Variants in FHIT observed in about 807,000 individuals in gnomAD.
The protein encoded by FHIT is bis(5'-adenosyl)-triphosphatase.
A neutral mutation model predicts 17.9 loss-of-function variants in FHIT; 19 were observed. That is an observed-to-expected ratio of 1.06 (90% CI 0.74 to 1.56). The LOEUF (loss-of-function observed/expected upper bound fraction) is 1.56. Ranked by LOEUF, FHIT falls within the 40% of genes most tolerant of loss-of-function variation. The probability of loss-of-function intolerance (pLI) is 0.00; values close to 1 mark genes in which losing one functional copy is unlikely to be tolerated. For missense variants in FHIT, 248 were observed against 189.2 expected (o/e 1.31, Z -1.82); for synonymous variants, 81 against 69.7 (o/e 1.16, Z -0.81).
intron 2 of FHIT, among the ~76,000 whole-genome samples, chr3:61,043,350 C>G (rs1269219118): frequency 6.6e-6 from 1 of 152,004 alleles, no homozygotes; most frequent in Non-Finnish European, 1.5e-5. Context: ...TCGGAGGGTC[C>G]CACGCCCACG....
intron 4 of FHIT, among the ~76,000 whole-genome samples, chr3:60,764,607 G>C (rs1334982632): frequency 6.6e-6 from 1 of 151,834 alleles, no homozygotes; most frequent in Non-Finnish European, 1.5e-5. Context: ...TAAGTCTCAG[G>C]GTATTAAGTC....
chr3:60,115,848 T>C (rs1704933290), intron 5 of FHIT, among the ~76,000 whole-genome samples: 1 of 150,912 alleles, frequency 6.6e-6, no homozygotes, highest in Non-Finnish European at 1.5e-5. Flanking sequence ...ATAATACATA[T>C]ATATTATAAA....
At chr3:60,028,937 G>A (rs935446972) in intron 5 of FHIT, among the ~76,000 whole-genome samples, 1 of 152,108 alleles carries the variant, frequency 6.6e-6, no homozygotes, top group African/African-American at 2.4e-5. Context: ...ACTTTAGGAG[G>A]GATTATGACA....
intron 5 of FHIT, among the ~76,000 whole-genome samples, chr3:60,126,079 A>G (rs1285494391): frequency 6.6e-6 from 1 of 152,072 alleles, no homozygotes; most frequent in Non-Finnish European, 1.5e-5. Flanking sequence ...AAGGATACCA[A>G]ATGAGAGGAA....
chr3:60,053,497 C>T (rs212036), intron 5 of FHIT, among the ~76,000 whole-genome samples: 39,643 of 150,792 alleles, frequency 0.26, 5,606 homozygotes, highest in African/African-American at 0.34. Context: ...TGTTATTGTT[C>T]GTCATGTGAA....
At chr3:61,076,460 T>A (rs535352218) in intron 2 of FHIT, among the ~76,000 whole-genome samples, 1 of 152,134 alleles carries the variant, frequency 6.6e-6, no homozygotes, top group African/African-American at 2.4e-5. Context: ...AGGACTCTTT[T>A]AGGACCAAGA....
intron 8 of FHIT, among the ~76,000 whole-genome samples, chr3:59,898,245 C>G (rs1479620353): frequency 6.6e-6 from 1 of 152,056 alleles, no homozygotes; most frequent in African/African-American, 2.4e-5. Context: ...AAGACATAAA[C>G]AAATTTTGTG....
At chr3:60,323,035 T>C (rs1357232341) in intron 5 of FHIT, among the ~76,000 whole-genome samples, 1 of 152,194 alleles carries the variant, frequency 6.6e-6, no homozygotes, top group Admixed American at 6.5e-5. Context: ...TAGATTTTTT[T>C]GTATGGAAGT....
chr3:60,830,363 T>G (rs545417619), intron 3 of FHIT, among the ~76,000 whole-genome samples: 1 of 152,232 alleles, frequency 6.6e-6, no homozygotes, highest in South Asian at 2.1e-4. Flanking sequence ...TTTAGCATGA[T>G]TTTCATTGTA....
intron 5 of FHIT, among the ~76,000 whole-genome samples, chr3:60,063,379 G>A (rs1702371341): frequency 6.6e-6 from 1 of 152,144 alleles, no homozygotes; most frequent in Non-Finnish European, 1.5e-5. Context: ...CATCACCATA[G>A]CATATGGAGA....
chr3:59,818,789 G>A (rs1227600003), intron 8 of FHIT, among the ~76,000 whole-genome samples: 1 of 152,122 alleles, frequency 6.6e-6, no homozygotes, highest in Non-Finnish European at 1.5e-5. Flanking sequence ...CTTCAACAGC[G>A]CAGATCACAT....
chr3:61,137,262 CTTTTTT>C (rs67142172), intron 2 of FHIT, among the ~76,000 whole-genome samples: 20 of 105,510 alleles, frequency 1.9e-4, no homozygotes, highest in South Asian at 1.2e-3. Flanking sequence ...AGGTTTCACT[CTTTTTT>C]TTTTTTTTTT....
At chr3:60,094,078 T>TA (rs936305702) in intron 5 of FHIT, among the ~76,000 whole-genome samples, 15 of 151,430 alleles carry the variant, frequency 9.9e-5, no homozygotes, top group East Asian at 7.8e-4. Flanking sequence ...AACCAAAATT[T>TA]AAAAAAAAAT....
chr3:60,176,556 C>G (rs892431674), intron 5 of FHIT, among the ~76,000 whole-genome samples: 3 of 152,150 alleles, frequency 2.0e-5, no homozygotes, highest in Non-Finnish European at 4.4e-5. Context: ...TAAACAAACA[C>G]CTGGCAACTG....
chr3:60,336,326 G>A (rs1710237857), intron 5 of FHIT, among the ~76,000 whole-genome samples: 1 of 152,212 alleles, frequency 6.6e-6, no homozygotes, highest in Admixed American at 6.5e-5. Context: ...GGAAGTCTCA[G>A]ACAGGTGAGC....
intron 8 of FHIT, among the ~76,000 whole-genome samples, chr3:59,903,773 G>C (rs949666717): frequency 8.5e-5 from 13 of 152,164 alleles, no homozygotes; most frequent in African/African-American, 2.9e-4. Context: ...TTCCCTGTGA[G>C]AGCCATAAGG....
intron 5 of FHIT, among the ~76,000 whole-genome samples, chr3:60,484,074 C>T (rs963259269): frequency 6.6e-6 from 1 of 152,038 alleles, no homozygotes; most frequent in African/African-American, 2.4e-5. Flanking sequence ...AACTCCCATT[C>T]ACAATTGCTA....
At chr3:60,547,247 G>T (rs886244785) in intron 4 of FHIT, among the ~76,000 whole-genome samples, 9 of 152,104 alleles carry the variant, frequency 5.9e-5, no homozygotes, top group African/African-American at 2.2e-4. Context: ...TCATCTTCAG[G>T]GAACTGCTTC....
intron 5 of FHIT, among the ~76,000 whole-genome samples, chr3:60,301,358 G>A (rs1464787872): frequency 6.6e-6 from 1 of 152,120 alleles, no homozygotes; most frequent in Non-Finnish European, 1.5e-5. Context: ...GCCATAACTT[G>A]CAAATCTGCA....
Sources: gnomAD v4.1 joint callset for allele counts (sites outside exome capture counted in the v4.1 genomes callset) on GRCh38, gnomAD v4.1.1 for gene constraint, MANE v1.5 for transcripts, NCBI Gene and HGNC (gene_info 2026-07-23, HGNC 2026-07-21) for gene names.